The following ZBTB24 variants were observed in gnomAD, a reference collection of about 807,000 sequenced individuals.
ZBTB24 encodes zinc finger and BTB domain-containing protein 24.
ZBTB24 carries 32 observed loss-of-function variants against 53.8 expected under a neutral mutation model. The observed-to-expected ratio is 0.60, with a 90% CI of 0.45 to 0.80. ZBTB24 has a LOEUF of 0.80. ZBTB24 is among the 30% of genes least tolerant of loss of function. The pLI is 0.00. For synonymous variants in ZBTB24, 297 were observed against 306.7 expected, an observed-to-expected ratio of 0.97 and a Z score of 0.33; for missense variants, 722 against 837.1, an observed-to-expected ratio of 0.86 and a Z score of 1.70.
Position 109,475,305 on chromosome 6 carries a change from A to C in ZBTB24, c.1288+94T>G, listed in dbSNP as rs1485936013. ...CATCCAATTTATAATAAACATTTCC[A>C]AACACAGGCTTAGCAGGGCACTCAG... On this transcript the variant is annotated intron_variant, in intron 5 of 6. Coordinates refer to ENST00000230122, the MANE Select transcript of ZBTB24 (RefSeq NM_014797.3). 1.2e-5 allele frequency: 18 copies of C among 1,458,434 alleles called. No homozygotes were observed. The Admixed American group carries it at 3.1e-4, about 25-fold the overall frequency. 90.3% of individuals were successfully genotyped at this position (1,458,434 alleles called of 1,614,324 possible).
At chr6:109,479,155 C>T (rs545027550) in intron 2 of ZBTB24, among the ~76,000 whole-genome samples, 100 of 152,296 alleles carry the variant, frequency 6.6e-4, no homozygotes, top group Admixed American at 2.7e-3. Flanking sequence ...AAGACAGTTT[C>T]CAAACCTTAT....
chr6:109,466,423 G>T lies in ZBTB24; in HGVS notation c.1522C>A (p.His508Asn). ...QFARLDNLKA[H>N]LKIHSKEKHA... ...TTCTCCTTGCTATGAATTTTCAAGT[G>T]AGCCTTCAAGTTGTCTAAGCGAGCA... The change falls in exon 7 of 7, where the codon CAC becomes AAC. Residue 508 changes from histidine (H) to asparagine (N), a missense_variant. His to Asn is a moderately conservative substitution (Grantham distance 68). Transcript: ENST00000230122. 2 of 1,614,122 alleles carry T rather than the reference G, an allele frequency of 1.2e-6. No individual in the cohort carries two copies. The highest frequency in any genetic ancestry group is 1.3e-5 in the African/African-American group (1 of 75,028).
Position 109,466,478 on chromosome 6 carries a change from AG to A in ZBTB24, c.1466del (p.Pro489LeufsTer14). On this transcript the variant is annotated frameshift_variant, in exon 7 of 7. Transcript: ENST00000230122. LOFTEE classifies it high-confidence loss of function. ...RHCILHTGKK[P>X]FSCPECNLQF... Reference sequence around the variant, plus strand: ...GTAAGTTACACTCAGGGCAGGAGAAAGGCTTCTTGCCAGTGTGTAGAATGCA... The same window carrying A: ...GTAAGTTACACTCAGGGCAGGAGAAAGCTTCTTGCCAGTGTGTAGAATGCA... The A allele has an allele frequency of 1.2e-6, 2 of 1,614,248 alleles. No homozygotes were observed. Among genetic ancestry groups the A allele is most frequent in the Non-Finnish European group, 1.7e-6 (2 of 1,180,046 alleles).
rs1256674227 is a variant in ZBTB24 at position 109,465,812 on chromosome 6, TAAG to T, written c.*36_*38del. ...TCAAAATCCAGTCAGAGCTGGCTTA[TAAG>T]AAGAGCCCAATCAAGCAGTCAAACG... On this transcript the variant is annotated 3_prime_UTR_variant, in exon 7 of 7. Transcript: ENST00000230122. The T allele has an allele frequency of 1.9e-6, 3 of 1,614,136 alleles. No individual in the cohort carries two copies. The highest frequency in any genetic ancestry group is 2.7e-5 in the African/African-American group (2 of 75,034).
chr6:109,480,494 T>C (rs959737601), intron 2 of ZBTB24, among the ~76,000 whole-genome samples: 1 of 152,174 alleles, frequency 6.6e-6, no homozygotes. Context: ...ACATCAGAGA[T>C]GTAGGAACAT....
chr6:109,475,943 T>C (rs1313468885), intron 4 of ZBTB24, among the ~76,000 whole-genome samples: 1 of 152,236 alleles, frequency 6.6e-6, no homozygotes, highest in Non-Finnish European at 1.5e-5. Flanking sequence ...ATGCCAATTC[T>C]GTAGGGTTTC....
Position 109,481,682 on chromosome 6 carries a change from G to C in ZBTB24, c.345C>G (p.Phe115Leu). 3 of 1,614,216 alleles carry C rather than the reference G, an allele frequency of 1.9e-6. No homozygotes were observed. Among genetic ancestry groups the C allele is most frequent in the Non-Finnish European group, 2.5e-6 (3 of 1,180,034 alleles). The change falls in exon 2 of 7, where the codon TTC (phenylalanine) becomes TTG (leucine). Residue 115 changes from phenylalanine (F) to leucine (L), a missense_variant. Phe to Leu is a conservative substitution (Grantham distance 22, BLOSUM62 0). Coordinates refer to ENST00000230122, the MANE Select transcript of ZBTB24 (RefSeq NM_014797.3). Reference protein sequence around the residue: ...STEQILATAQFLKVYDLVKAY... With the variant: ...STEQILATAQLLKVYDLVKAY... ...CCTTTACCAGGTCATAGACTTTTAAGAACTGAGCAGTAGCCAGGATTTGTT... is the reference window on the plus strand; with the variant it reads ...CCTTTACCAGGTCATAGACTTTTAACAACTGAGCAGTAGCCAGGATTTGTT...
At position 109,465,893 on chromosome 6, in the gene ZBTB24, G is replaced by A. The variant is rs373951478; in HGVS notation, c.2052C>T (p.His684=). The change falls in exon 7 of 7, where the codon CAC becomes CAT. Residue 684 remains histidine, a synonymous_variant. Coordinates refer to ENST00000230122, the MANE Select transcript of ZBTB24 (RefSeq NM_014797.3). The part of the protein sequence containing the change: ...TQEPGPPPPT[H]HVPQPTPLGQ... The stretch of plus-strand genomic sequence containing the variant: ...CAAGTGGCGTTGGCTGGGGCACGTG[G>A]TGAGTGGGTGGTGGCGGACCAGGCT... 84 of 1,614,090 alleles carry A rather than the reference G, an allele frequency of 5.2e-5. No individual in the cohort carries two copies. Among genetic ancestry groups the A allele is most frequent in the Non-Finnish European group, 6.3e-5 (74 of 1,180,046 alleles).
In ZBTB24 at chr6:109,462,907, A is replaced by AC. The variant is rs1483007205; in HGVS notation, c.*2943dup. ...CATTTAGTAGAAAATGAATTGTGAA[A>AC]CACTGCACTAGCAACATCATTTCTC... On this transcript the variant is annotated 3_prime_UTR_variant, in exon 7 of 7. Transcript: ENST00000230122. 1.3e-5 allele frequency: 2 copies of AC among 152,256 alleles called. No individual in the cohort carries two copies. Among genetic ancestry groups the AC allele is most frequent in the Non-Finnish European group, 1.5e-5 (1 of 68,034 alleles). 9.4% of individuals were successfully genotyped at this position (152,256 alleles called of 1,614,324 possible).
At chr6:109,476,045 G>C in intron 4 of ZBTB24, 130 bp downstream of exon 4, 2 of 938,130 alleles carry the variant, frequency 2.1e-6, no homozygotes, top group Non-Finnish European at 3.3e-6. Context: ...AGACTCTTAA[G>C]GCACTTTTCC....
Position 109,481,208 on chromosome 6 carries a change from T to C in ZBTB24, c.819A>G (p.Gln273=), listed in dbSNP as rs201497934. ...TCCTCTTGGCTGAACCATGGTCCTC[T>C]TGATCCCCAACAAGTTTGTAATCTT... ...KLKDYKLVGD[Q]EDHGSAKRIC... is the part of the protein sequence containing the mutation. The change falls in exon 2 of 7, where the codon CAA becomes CAG. Residue 273 remains glutamine, a synonymous_variant. Coordinates refer to ENST00000230122, the MANE Select transcript of ZBTB24 (RefSeq NM_014797.3). 3.7e-6 allele frequency: 6 copies of C among 1,614,224 alleles called. No homozygotes were observed. Among genetic ancestry groups the C allele is most frequent in the Admixed American group, 1.7e-5 (1 of 60,024 alleles).
At chr6:109,469,359 A>G (rs1776119730) in intron 5 of ZBTB24, among the ~76,000 whole-genome samples, 1 of 152,226 alleles carries the variant, frequency 6.6e-6, no homozygotes, top group African/African-American at 2.4e-5. Flanking sequence ...AACATTAACT[A>G]TACCATTCAG....
Position 109,481,209 on chromosome 6 carries a change from T to G in ZBTB24, c.818A>C (p.Gln273Pro), listed in dbSNP as rs764851596. 4 of 1,614,212 alleles carry G rather than the reference T, an allele frequency of 2.5e-6. No individual in the cohort carries two copies. Among genetic ancestry groups the G allele is most frequent in the Non-Finnish European group, 3.4e-6 (4 of 1,180,024 alleles). Residue 273 changes from glutamine (Q) to proline (P), a missense_variant, in exon 2 of 7, where the codon CAA becomes CCA. Physicochemically the swap from Gln to Pro is moderately conservative, Grantham distance 76. Transcript: ENST00000230122. ...CCTCTTGGCTGAACCATGGTCCTCTTGATCCCCAACAAGTTTGTAATCTTT... is the reference window on the plus strand; with the variant it reads ...CCTCTTGGCTGAACCATGGTCCTCTGGATCCCCAACAAGTTTGTAATCTTT... Reference protein sequence around the residue: ...KLKDYKLVGDQEDHGSAKRIC... With the variant: ...KLKDYKLVGDPEDHGSAKRIC...
chr6:109,473,677 A>G (rs1286619142), intron 5 of ZBTB24, among the ~76,000 whole-genome samples: 1 of 152,208 alleles, frequency 6.6e-6, no homozygotes, highest in East Asian at 1.9e-4. Flanking sequence ...TCACTGCTGT[A>G]TCCTCAAAGC....
Position 109,465,341 on chromosome 6 carries a change from AG to A in ZBTB24, c.*509del. ...TCTTAGGGGACTGGAAATTATTAAA[AG>A]GGCAAATTCCCCATACATTGTGATC... On this transcript the variant is annotated 3_prime_UTR_variant, in exon 7 of 7. Transcript: ENST00000230122. 2.9e-6 allele frequency: 1 copy of A among 347,708 alleles called. No individual in the cohort carries two copies. The highest frequency in any genetic ancestry group is 4.5e-5 in the Admixed American group (1 of 22,238). The allele number at this position is 347,708 out of a possible 1,614,324, so 21.5% of individuals were successfully genotyped here.
Position 109,481,143 on chromosome 6 carries a change from C to T in ZBTB24, c.884G>A (p.Arg295His), listed in dbSNP as rs745712680. Residue 295 changes from arginine to histidine, a missense_variant, in exon 2 of 7, where the codon CGC (arginine) becomes CAC (histidine). Arg to His is a conservative substitution (Grantham distance 29, BLOSUM62 0). Transcript: ENST00000230122. ...AAAGACCTTGCCACAGTCTTTACAG[C>T]GGGCCTCAGGGCCTCCAGGGCGCTT... is the stretch of plus-strand genomic sequence containing the variant. The part of the protein sequence containing the change: ...RRKRPGGPEA[R>H]CKDCGKVFKY... 87 of 1,614,074 alleles carry T rather than the reference C, an allele frequency of 5.4e-5. No individual in the cohort carries two copies. The highest frequency in any genetic ancestry group is 4.0e-5 in the African/African-American group (3 of 74,922).
chr6:109,465,508 T>C lies in ZBTB24; in HGVS notation c.*343A>G. 1.3e-6 allele frequency: 1 copy of C among 796,636 alleles called. No homozygotes were observed. 49.3% of individuals were successfully genotyped at this position (796,636 alleles called of 1,614,324 possible). ...AAACAAAAAAACATAACTGGGGAGG[T>C]TGGCAAGACCATAACCTATGGCTGT... is the stretch of plus-strand genomic sequence containing the variant. On this transcript the variant is annotated 3_prime_UTR_variant, in exon 7 of 7. Coordinates refer to ENST00000230122, the MANE Select transcript of ZBTB24 (RefSeq NM_014797.3).
In ZBTB24 at chr6:109,483,202, C is replaced by T. The variant is rs1245777734; in HGVS notation, c.-133G>A. On this transcript the variant is annotated 5_prime_UTR_variant, in exon 1 of 7. Transcript: ENST00000230122. ...GCACCGGTTTCTGCTCCTGCGCCGC[C>T]GCCGCAGCCACAGCCACAGCCAACC... 6.6e-6 allele frequency: 1 copy of T among 152,082 alleles called. No homozygotes were observed. Among genetic ancestry groups the T allele is most frequent in the African/African-American group, 2.4e-5 (1 of 41,394 alleles). The allele number at this position is 152,082 out of a possible 1,614,324, so 9.4% of individuals were successfully genotyped here.
intron 5 of ZBTB24, among the ~76,000 whole-genome samples, chr6:109,470,020 C>T (rs572730248): frequency 2.5e-4 from 38 of 152,200 alleles, no homozygotes; most frequent in Middle Eastern, 3.4e-3. Context: ...AGAAAATACA[C>T]CTGGGAATGA....
Sources: allele counts gnomAD v4.1 joint callset (sites outside exome capture counted in the v4.1 genomes callset), GRCh38; gene constraint gnomAD v4.1.1; transcripts MANE v1.5; gene names NCBI Gene and HGNC (gene_info 2026-07-23, HGNC 2026-07-21).